The following PPARD variants were observed in gnomAD, a reference collection of about 807,000 sequenced individuals.
The protein encoded by PPARD is peroxisome proliferator activated receptor delta.
A neutral mutation model predicts 39.5 loss-of-function variants in PPARD; 6 were observed. The observed-to-expected ratio is 0.15, with a 90% CI of 0.08 to 0.30. The LOEUF is 0.30. Among genes scored for constraint, PPARD ranks in the 10% least tolerant of loss-of-function variants. The probability of loss-of-function intolerance (pLI) is 1.00; values close to 1 mark genes in which losing one functional copy is unlikely to be tolerated. For missense variants in PPARD, 397 were observed against 596.8 expected, an observed-to-expected ratio of 0.67 and a Z score of 3.49; for synonymous variants, 210 against 231.3, an observed-to-expected ratio of 0.91 and a Z score of 0.83.
chr6:35,406,689 G>A (rs2038067), intron 2 of PPARD, among the ~76,000 whole-genome samples: 129,167 of 151,798 alleles, frequency 0.85, 55,096 homozygotes, highest in African/African-American at 0.89. Context: ...CCCAAATTCA[G>A]AACTCTAGCC....
intron 5 of PPARD, among the ~76,000 whole-genome samples, chr6:35,422,504 C>T (rs1766238825): frequency 6.6e-6 from 1 of 152,184 alleles, no homozygotes; most frequent in Non-Finnish European, 1.5e-5. Context: ...GCCTTGTCTT[C>T]GGACCCCAGG....
intron 3 of PPARD, among the ~76,000 whole-genome samples, chr6:35,416,179 C>T (rs1267946145): frequency 1.3e-5 from 2 of 151,716 alleles, no homozygotes; most frequent in Non-Finnish European, 2.9e-5. Flanking sequence ...GTCAGGAATT[C>T]AAGACCAGCC....
intron 2 of PPARD, among the ~76,000 whole-genome samples, chr6:35,390,712 G>A (rs1763957459): frequency 3.9e-5 from 6 of 152,076 alleles, no homozygotes; most frequent in Admixed American, 3.9e-4. Context: ...AAAAAAAGAT[G>A]TAACATTAAA....
At chr6:35,349,321 G>A (rs1469912720) in intron 2 of PPARD, among the ~76,000 whole-genome samples, 1 of 152,118 alleles carries the variant, frequency 6.6e-6, no homozygotes, top group Non-Finnish European at 1.5e-5. Context: ...CACCGCGCCC[G>A]GCCTCTTCTT....
At chr6:35,350,253 AATGTG>A (rs1192620909) in intron 2 of PPARD, among the ~76,000 whole-genome samples, 3 of 152,132 alleles carry the variant, frequency 2.0e-5, no homozygotes, top group African/African-American at 7.2e-5. Context: ...GAAACTGTTT[AATGTG>A]ATGTGATCCC....
rs112387803 is a variant in PPARD at position 35,347,584 on chromosome 6, A to AATAT, written c.-102+451_-102+454dup. On this transcript the variant is annotated intron_variant, in intron 2 of 7. Transcript: ENST00000360694. Reference sequence around the variant, plus strand: ...CATCATTCTCTCTTATTAGGGGGCAAATATATATATATATATATATTTTGT... The same window carrying AATAT: ...CATCATTCTCTCTTATTAGGGGGCAAATATATATATATATATATATATATTTTGT... Among the ~76,000 whole-genome samples, 395 of 147,280 alleles carry AATAT rather than the reference A, an allele frequency of 2.7e-3. 2 individuals are homozygous for AATAT. The highest frequency in any genetic ancestry group is 8.5e-3 in the African/African-American group (345 of 40,390).
rs921222628 is a variant in PPARD at position 35,425,340 on chromosome 6, C to T, written c.1079-492C>T. On this transcript the variant is annotated intron_variant, in intron 7 of 7. Coordinates refer to ENST00000360694, the MANE Select transcript of PPARD (RefSeq NM_006238.5). This position sits in a 1 kb window ranked among gnomAD's most constrained non-coding sequence, Gnocchi z 4.5. ...TAATGTGGGGTGGAAAAATTGTCTG[C>T]ATTTTTTCTGCATTTTTAAAATTCC... 2.0e-6 allele frequency: 2 copies of T among 1,004,454 alleles called. No individual in the cohort carries two copies. Among genetic ancestry groups the T allele is most frequent in the African/African-American group, 1.8e-5 (1 of 57,108 alleles). The allele number at this position is 1,004,454 out of a possible 1,614,324, so 62.2% of individuals were successfully genotyped here. A position where few individuals can be genotyped will look rare whatever the true frequency, so the allele number is the denominator to read the frequency against.
At chr6:35,405,002 C>CGTGTGTGT (rs1764944078) in intron 2 of PPARD, among the ~76,000 whole-genome samples, 1 of 134,892 alleles carries the variant, frequency 7.4e-6, no homozygotes, top group African/African-American at 3.3e-5. Flanking sequence ...TGTGTGTGTA[C>CGTGTGTGT]ACACATACAT....
intron 2 of PPARD, among the ~76,000 whole-genome samples, chr6:35,376,700 G>T (rs1762831677): frequency 6.6e-6 from 1 of 151,916 alleles, no homozygotes; most frequent in Non-Finnish European, 1.5e-5. Flanking sequence ...TATATCCATG[G>T]GCAGGACTAG....
intron 2 of PPARD, among the ~76,000 whole-genome samples, chr6:35,394,525 C>G (rs1046545949): frequency 6.6e-6 from 1 of 152,066 alleles, no homozygotes; most frequent in Non-Finnish European, 1.5e-5. Context: ...AATCTCAGCA[C>G]TTTGGGAGGC....
chr6:35,383,383 C>T (rs1235460632), intron 2 of PPARD, among the ~76,000 whole-genome samples: 1 of 151,102 alleles, frequency 6.6e-6, no homozygotes, highest in Non-Finnish European at 1.5e-5. Flanking sequence ...CTCGCTACAA[C>T]CTCCACCTCC....
chr6:35,355,598 CTTTTTTTTTTTTTTTTTTTT>C (rs1166499750), intron 2 of PPARD, among the ~76,000 whole-genome samples: 1 of 33,462 alleles, frequency 3.0e-5, no homozygotes, highest in Admixed American at 5.0e-4. Context: ...TCTTCTTCTT[CTTTTTTTTTTTTTTTTTTTT>C]TTTTTTTTTT....
intron 2 of PPARD, among the ~76,000 whole-genome samples, chr6:35,360,607 A>T (rs1761877087): frequency 6.6e-6 from 1 of 152,226 alleles, no homozygotes; most frequent in Non-Finnish European, 1.5e-5. Context: ...CTCTCCAGGT[A>T]TGTGCAAATA....
rs778066412 is a variant in PPARD, at chr6:35,420,280, A to G, written c.284A>G (p.Lys95Arg). The stretch of plus-strand genomic sequence containing the variant: ...GGTGTTCATGCATGTGAGGGGTGCA[A>G]GGTACGGACTGGGGGGAGCGGTGGC... ...HYGVHACEGC[K>R]GFFRRTIRMK... Residue 95 changes from lysine (K) to arginine (R), a missense_variant and splice_region_variant, in exon 4 of 8, where the codon AAG becomes AGG. Transcript: ENST00000360694. 6.4e-7 allele frequency: 1 copy of G among 1,567,862 alleles called. No individual in the cohort carries two copies. Among genetic ancestry groups the G allele is most frequent in the Non-Finnish European group, 8.7e-7 (1 of 1,155,516 alleles).
intron 2 of PPARD, among the ~76,000 whole-genome samples, chr6:35,396,295 C>G (rs745756513): frequency 5.9e-5 from 9 of 151,650 alleles, no homozygotes; most frequent in Non-Finnish European, 1.0e-4. Flanking sequence ...AGCTCCACCT[C>G]CCAGGTTCAC....
intron 3 of PPARD, among the ~76,000 whole-genome samples, chr6:35,415,700 C>T (rs1051592336): frequency 5.3e-5 from 8 of 151,938 alleles, no homozygotes; most frequent in African/African-American, 1.9e-4. Flanking sequence ...AAGAGCTCAG[C>T]TCCAGGAATT....
Position 35,426,227 on chromosome 6 carries a change from C to T in PPARD, c.*148C>T. 3 of 1,076,818 alleles carry T rather than the reference C, an allele frequency of 2.8e-6. No individual in the cohort carries two copies. The highest frequency in any genetic ancestry group is 3.9e-6 in the Non-Finnish European group (3 of 767,204). The allele number at this position is 1,076,818 out of a possible 1,614,324, so 66.7% of individuals were successfully genotyped here. On this transcript the variant is annotated 3_prime_UTR_variant, in exon 8 of 8. Transcript: ENST00000360694. ...CCCTCAGACACATGACACCCACGGCCTCTGGCTCCCTGTGCCCTCTCTCCC... is the reference window on the plus strand; with the variant it reads ...CCCTCAGACACATGACACCCACGGCTTCTGGCTCCCTGTGCCCTCTCTCCC...
rs1443191807 is a variant in PPARD at position 35,427,690 on chromosome 6, C to T, written c.*1611C>T. On this transcript the variant is annotated 3_prime_UTR_variant, in exon 8 of 8. Coordinates refer to ENST00000360694, the MANE Select transcript of PPARD (RefSeq NM_006238.5). ...CTGAGCGGCGCAGAGCCCTCCAGGCCTGCAGGGGCAAGGGGCTGGCTGGAG... is the reference window on the plus strand; with the variant it reads ...CTGAGCGGCGCAGAGCCCTCCAGGCTTGCAGGGGCAAGGGGCTGGCTGGAG... 1 of 152,406 alleles carries T rather than the reference C, an allele frequency of 6.6e-6. No individual in the cohort carries two copies. Among genetic ancestry groups the T allele is most frequent in the Non-Finnish European group, 1.5e-5 (1 of 68,196 alleles). The allele number at this position is 152,406 out of a possible 1,614,324, so 9.4% of individuals were successfully genotyped here.
Position 35,417,308 on chromosome 6 carries a change from G to GT in PPARD, c.131-2811dup, listed in dbSNP as rs929752850. ...TGTGAGCCACTGCACCTGGCCTTTT[G>GT]TTTTTTTTAAGTAGAGACAGTCTTG... is the stretch of plus-strand genomic sequence containing the variant. On this transcript the variant is annotated intron_variant, in intron 3 of 7. Coordinates refer to ENST00000360694, the MANE Select transcript of PPARD (RefSeq NM_006238.5). Among the ~76,000 whole-genome samples, 89 of 151,454 alleles carry GT rather than the reference G, an allele frequency of 5.9e-4. No individual in the cohort carries two copies. The Middle Eastern group carries it at 0.027, about 46-fold the overall frequency.
Sources: allele counts gnomAD v4.1 joint callset (sites outside exome capture counted in the v4.1 genomes callset), GRCh38; gene constraint gnomAD v4.1.1; non-coding constraint Gnocchi (gnomAD v3.1); transcripts MANE v1.5; gene names NCBI Gene and HGNC (gene_info 2026-07-23, HGNC 2026-07-21).